Variants in PTPN2 observed in about 807,000 individuals in gnomAD.
The protein encoded by PTPN2 is protein tyrosine phosphatase non-receptor type 2, also known as tyrosine-protein phosphatase non-receptor type 2.
In PTPN2, 19 loss-of-function variants were observed where a neutral mutation model predicts 57.3. That is an observed-to-expected ratio of 0.33 (90% CI 0.23 to 0.49). PTPN2 has a LOEUF of 0.49. Among genes scored for constraint, PTPN2 ranks in the 20% least tolerant of loss-of-function variants. The pLI, the probability that PTPN2 is intolerant of heterozygous loss-of-function variation, is 0.99. For missense variants in PTPN2, 358 were observed against 501.1 expected (o/e 0.71, Z 2.73); for synonymous variants, 153 against 164.9 (o/e 0.93, Z 0.55).
intron 2 of PTPN2, among the ~76,000 whole-genome samples, chr18:12,840,217 TCAAA>T (rs942054585): frequency 3.9e-5 from 6 of 152,194 alleles, no homozygotes; most frequent in African/African-American, 1.4e-4. Flanking sequence ...CAGTACGTTT[TCAAA>T]CAGTGATGTC....
chr18:12,826,837 G>A (rs78637414), intron 4 of PTPN2, among the ~76,000 whole-genome samples: 37,787 of 151,914 alleles, frequency 0.25, 5,227 homozygotes, highest in South Asian at 0.53. Flanking sequence ...CCAAAGTGCT[G>A]GGATTACAGG....
chr18:12,829,152 C>A (rs974160787), intron 4 of PTPN2, among the ~76,000 whole-genome samples: 2 of 152,184 alleles, frequency 1.3e-5, no homozygotes, highest in African/African-American at 4.8e-5. Context: ...CCCAACTCAG[C>A]TCCCCAAAGT....
downstream of PTPN2, among the ~76,000 whole-genome samples, chr18:12,791,665 C>T (rs1375048320): frequency 1.3e-5 from 2 of 152,168 alleles, no homozygotes; most frequent in Non-Finnish European, 2.9e-5. Flanking sequence ...ACTGTCAATG[C>T]CCTTCTCAAG....
intron 2 of PTPN2, among the ~76,000 whole-genome samples, chr18:12,838,708 TATCAG>T (rs1193949513): frequency 6.6e-6 from 1 of 152,204 alleles, no homozygotes; most frequent in Non-Finnish European, 1.5e-5. Flanking sequence ...TTTATTTTGT[TATCAG>T]ATAATACTAA....
In PTPN2 at chr18:12,859,261, A is replaced by G. The variant is rs1243724754; in HGVS notation, c.70-7T>C. 1 of 1,572,472 alleles carries G rather than the reference A, an allele frequency of 6.4e-7. No individual in the cohort carries two copies. Among genetic ancestry groups the G allele is most frequent in the East Asian group, 2.3e-5 (1 of 44,204 alleles). On this transcript the variant is annotated splice_polypyrimidine_tract_variant and splice_region_variant and intron_variant, in intron 1 of 8. Transcript: ENST00000309660. ...GGGACTCATTTCGAATTTCCTTAAAATAACAAAAATATATTTTAATATCCC... is the reference window on the plus strand; with the variant it reads ...GGGACTCATTTCGAATTTCCTTAAAGTAACAAAAATATATTTTAATATCCC...
intron 5 of PTPN2, among the ~76,000 whole-genome samples, chr18:12,820,958 A>C (rs1452684747): frequency 6.6e-6 from 1 of 152,260 alleles, no homozygotes; most frequent in Admixed American, 6.5e-5. Context: ...GAGCAAGTGT[A>C]ACAACAGGAA....
chr18:12,788,346 A>G (rs1326209683), downstream of PTPN2, among the ~76,000 whole-genome samples: 1 of 152,020 alleles, frequency 6.6e-6, no homozygotes, highest in Non-Finnish European at 1.5e-5. Context: ...CTTCCATTCT[A>G]AATTTAAAAA....
intron 1 of PTPN2, among the ~76,000 whole-genome samples, chr18:12,864,574 A>G (rs1033906450): frequency 1.3e-5 from 2 of 151,422 alleles, no homozygotes; most frequent in Non-Finnish European, 2.9e-5. Context: ...TTTTTTTTGT[A>G]TTTTTAGTAG....
chr18:12,835,581 G>A, intron 3 of PTPN2, among the ~76,000 whole-genome samples: 1 of 151,802 alleles, frequency 6.6e-6, no homozygotes, highest in East Asian at 1.9e-4. Flanking sequence ...TCACCGTGTT[G>A]GCCAGGCTGG....
intron 3 of PTPN2, among the ~76,000 whole-genome samples, chr18:12,832,386 G>C (rs534067284): frequency 6.6e-6 from 1 of 152,194 alleles, no homozygotes; most frequent in African/African-American, 2.4e-5. Flanking sequence ...CAAAGTGCTG[G>C]GATTACAGGT....
rs868616916 is a variant in PTPN2 at position 12,851,411 on chromosome 18, G to A, written c.160+7753C>T. On this transcript the variant is annotated intron_variant, in intron 2 of 8. Transcript: ENST00000309660. ...GGAGAATGGCGTGAACCCGGGAGGCGGAGCTTGCAGTGAGCCGAGATTGCG... is the reference window on the plus strand; with the variant it reads ...GGAGAATGGCGTGAACCCGGGAGGCAGAGCTTGCAGTGAGCCGAGATTGCG... Among the ~76,000 whole-genome samples, 9 of 13,886 alleles carry A rather than the reference G, an allele frequency of 6.5e-4. 2 individuals are homozygous for A. The highest frequency in any genetic ancestry group is 1.3e-3 in the East Asian group (1 of 746). The allele number at this position is 13,886 out of a possible 152,430, so 9.1% of individuals were successfully genotyped here. A position where few individuals can be genotyped will look rare whatever the true frequency, so the allele number is the denominator to read the frequency against.
chr18:12,849,706 T>A (rs1236289001), intron 2 of PTPN2, among the ~76,000 whole-genome samples: 1 of 152,216 alleles, frequency 6.6e-6, no homozygotes, highest in African/African-American at 2.4e-5. Flanking sequence ...GATTTCTACA[T>A]CTATATTCAC....
chr18:12,787,892 G>C (rs2040881141), downstream of PTPN2, among the ~76,000 whole-genome samples: 1 of 152,200 alleles, frequency 6.6e-6, no homozygotes, highest in South Asian at 2.1e-4. Context: ...GGCCGGGTGG[G>C]TGTGGACAGA....
At chr18:12,853,882 TAGAG>T (rs1288908578) in intron 2 of PTPN2, among the ~76,000 whole-genome samples, 1 of 152,060 alleles carries the variant, frequency 6.6e-6, no homozygotes, top group Non-Finnish European at 1.5e-5. Context: ...GCAGCACTAT[TAGAG>T]AGGAGAGTGG....
At chr18:12,813,633 T>C (rs1370140917) in intron 7 of PTPN2, among the ~76,000 whole-genome samples, 7 of 152,236 alleles carry the variant, frequency 4.6e-5, no homozygotes, top group Non-Finnish European at 8.8e-5. Flanking sequence ...CAATACTATG[T>C]GATTAAACCA....
At chr18:12,824,557 G>A (rs34183391) in intron 5 of PTPN2, among the ~76,000 whole-genome samples, 2,291 of 152,198 alleles carry the variant, frequency 0.015, 35 homozygotes, top group Non-Finnish European at 0.019. Context: ...GTCATATGAG[G>A]CTAAACATTC....
At position 12,859,424 on chromosome 18, in the gene PTPN2, G is replaced by C. The variant is rs541904298; in HGVS notation, c.70-170C>G. 2.6e-5 allele frequency among the ~76,000 whole-genome samples: 4 copies of C among 152,234 alleles called. No individual in the cohort carries two copies. The South Asian group carries it at 8.3e-4, about 32-fold the overall frequency. On this transcript the variant is annotated intron_variant, in intron 1 of 8. Transcript: ENST00000309660. ...TAATCCTCACAATACTAATGGAAAC[G>C]ATTTTCTTCCCCATTATATCTGTGA...
chr18:12,801,878 C>A (rs1159269708), intron 8 of PTPN2, 92 bp downstream of exon 8: 4 of 1,193,674 alleles, frequency 3.4e-6, no homozygotes, highest in Admixed American at 4.7e-5. Context: ...ATAAAAATTA[C>A]ATACCTGAAA....
At chr18:12,874,441 G>T (rs1207182808) in intron 1 of PTPN2, among the ~76,000 whole-genome samples, 1 of 141,536 alleles carries the variant, frequency 7.1e-6, no homozygotes, top group Non-Finnish European at 1.5e-5. Context: ...CTGCCGCCTC[G>T]TCCGGGAGGT....
Sources: gnomAD v4.1 joint callset for allele counts (sites outside exome capture counted in the v4.1 genomes callset) on GRCh38, gnomAD v4.1.1 for gene constraint, MANE v1.5 for transcripts, NCBI Gene and HGNC (gene_info 2026-07-23, HGNC 2026-07-21) for gene names.